Variants in PAPOLG observed in about 807,000 individuals in gnomAD.
The protein encoded by PAPOLG is poly(A) polymerase gamma.
PAPOLG carries 40 observed loss-of-function variants against 99.0 expected under a neutral mutation model. That is an observed-to-expected ratio of 0.40 (90% CI 0.31 to 0.53). The LOEUF (loss-of-function observed/expected upper bound fraction) is 0.53, where lower values mean the gene tolerates loss of function less well. PAPOLG is among the 20% of genes least tolerant of loss of function. The pLI, the probability that PAPOLG is intolerant of heterozygous loss-of-function variation, is 0.41. For missense variants in PAPOLG, 675 were observed against 884.1 expected (o/e 0.76, Z 3.00); for synonymous variants, 310 against 299.3 (o/e 1.04, Z -0.37).
chr2:60,770,500 G>T lies in PAPOLG; in HGVS notation c.481G>T (p.Asp161Tyr), dbSNP rs1380347075. ...AFVPVIKFEFDGIEIDLVFAR... is the reference protein window; with the variant it reads ...AFVPVIKFEFYGIEIDLVFAR... ...TGTACCTGTTATAAAATTTGAATTT[G>T]ATGGTATTGAAGTAAGTGTTTAATA... The change falls in exon 6 of 22, where the codon GAT (aspartate) becomes TAT (tyrosine). Residue 161 changes from aspartate (D) to tyrosine (Y), a missense_variant. Transcript: ENST00000238714. The T allele has an allele frequency of 3.2e-6, 5 of 1,581,402 alleles. No individual in the cohort carries two copies. Among genetic ancestry groups the T allele is most frequent in the Non-Finnish European group, 4.3e-6 (5 of 1,157,356 alleles).
intron 3 of PAPOLG, among the ~76,000 whole-genome samples, chr2:60,765,864 C>T (rs1329674665): frequency 1.3e-5 from 2 of 151,980 alleles, no homozygotes; most frequent in Non-Finnish European, 2.9e-5. Flanking sequence ...GCCTGTAGTC[C>T]CAGCTACTCA....
At chr2:60,784,605 T>C (rs917431127) in intron 13 of PAPOLG, among the ~76,000 whole-genome samples, 3 of 152,230 alleles carry the variant, frequency 2.0e-5, no homozygotes, top group Admixed American at 2.0e-4. Flanking sequence ...CCTTATTTCA[T>C]TGGTAATTAA....
chr2:60,771,978 T>C (rs1369792795), intron 7 of PAPOLG, among the ~76,000 whole-genome samples: 1 of 152,090 alleles, frequency 6.6e-6, no homozygotes, highest in East Asian at 1.9e-4. Flanking sequence ...ACTTATTCAT[T>C]TATAAATAAT....
At chr2:60,756,580 T>C in intron 1 of PAPOLG, 85 bp downstream of exon 1, 1 of 1,400,278 alleles carries the variant, frequency 7.1e-7, no homozygotes, top group Non-Finnish European at 9.6e-7. Context: ...CCGTTCCCTG[T>C]CCCTTGCGCC....
At chr2:60,762,029 C>T (rs1401423309) in intron 3 of PAPOLG, among the ~76,000 whole-genome samples, 2 of 152,086 alleles carry the variant, frequency 1.3e-5, no homozygotes, top group Non-Finnish European at 2.9e-5. Flanking sequence ...TCTTATTTGA[C>T]TCATATGTAG....
intron 21 of PAPOLG, among the ~76,000 whole-genome samples, chr2:60,796,274 A>G (rs1330560054): frequency 1.5e-5 from 2 of 131,998 alleles, no homozygotes; most frequent in Non-Finnish European, 3.1e-5. Context: ...TTGGAGTGCA[A>G]TGGCGCGATC....
intron 9 of PAPOLG, 27 bp from the exon 10 acceptor site, chr2:60,780,680 T>G: frequency 6.2e-7 from 1 of 1,610,596 alleles, no homozygotes; most frequent in Non-Finnish European, 8.5e-7. Context: ...AGATCATGTG[T>G]AAGTTAATTT....
chr2:60,784,035 G>A (rs1333396734), intron 13 of PAPOLG, among the ~76,000 whole-genome samples: 6 of 151,442 alleles, frequency 4.0e-5, no homozygotes, highest in Admixed American at 2.6e-4. Flanking sequence ...GTGCAGTGGC[G>A]TGATCTCAGC....
In PAPOLG at chr2:60,760,306, G is replaced by T; in HGVS notation, c.179+11G>T. 1 of 1,599,090 alleles carries T rather than the reference G, an allele frequency of 6.3e-7. No individual in the cohort carries two copies. The highest frequency in any genetic ancestry group is 8.6e-7 in the Non-Finnish European group (1 of 1,168,468). ...AGAATTGAACCACAGGTATGTCATTGAAAACCATAAAATATTTGACAGTGC... is the reference window on the plus strand; with the variant it reads ...AGAATTGAACCACAGGTATGTCATTTAAAACCATAAAATATTTGACAGTGC... On this transcript the variant is annotated intron_variant, in intron 2 of 21. Transcript: ENST00000238714.
At position 60,756,317 on chromosome 2, in the gene PAPOLG, G is replaced by A. The variant is rs1573209918; in HGVS notation, c.-162G>A. 7 of 838,052 alleles carry A rather than the reference G, an allele frequency of 8.4e-6. No homozygotes were observed. The East Asian group carries it at 1.8e-4, about 22-fold the overall frequency. 51.9% of individuals were successfully genotyped at this position (838,052 alleles called of 1,614,324 possible). On this transcript the variant is annotated 5_prime_UTR_variant, in exon 1 of 22. Transcript: ENST00000238714. ...TCATAAATAGAGCCGGTTTTGTGGT[G>A]TTTTCACTACTCGGTTGGATGCCTC...
chr2:60,775,023 G>T lies in PAPOLG; in HGVS notation c.605-11G>T. 1 of 1,611,604 alleles carries T rather than the reference G, an allele frequency of 6.2e-7. No individual in the cohort carries two copies. Among genetic ancestry groups the T allele is most frequent in the Non-Finnish European group, 8.5e-7 (1 of 1,179,366 alleles). On this transcript the variant is annotated splice_polypyrimidine_tract_variant and intron_variant, in intron 7 of 21. Transcript: ENST00000238714. ...CTGCATAGTGAAAAATGAATGCTTT[G>T]TCTTTTTCAGGTTGTAGAGTTACTG...
At chr2:60,783,133 G>C (rs904219336) in intron 12 of PAPOLG, 23 bp from the exon 13 acceptor site, 1 of 1,546,840 alleles carries the variant, frequency 6.5e-7, no homozygotes, top group African/African-American at 1.4e-5. Flanking sequence ...TTTTTTTCCT[G>C]ATTGTTGCTG....
At chr2:60,791,940 C>A in intron 16 of PAPOLG, 58 bp downstream of exon 16, 3 of 1,570,366 alleles carry the variant, frequency 1.9e-6, no homozygotes, top group South Asian at 1.2e-5. Context: ...GATCTGGGAC[C>A]AAATTTGCAT....
At chr2:60,764,861 A>G (rs1256596542) in intron 3 of PAPOLG, among the ~76,000 whole-genome samples, 3 of 152,136 alleles carry the variant, frequency 2.0e-5, no homozygotes, top group Non-Finnish European at 4.4e-5. Context: ...TTAACATGGT[A>G]TTTATGCTAT....
In PAPOLG at chr2:60,760,230, A is replaced by G; in HGVS notation, c.114A>G (p.Thr38=). The G allele has an allele frequency of 6.2e-7, 1 of 1,614,074 alleles. No individual in the cohort carries two copies. The part of the protein sequence containing the change: ...ASPKEIDHIY[T]QKLIDAMKPF... ...CTAAAGAAATTGATCATATTTACAC[A>G]CAGAAATTAATTGACGCCATGAAAC... The change falls in exon 2 of 22, where the codon ACA becomes ACG. Residue 38 remains threonine (T), a synonymous_variant. Transcript: ENST00000238714.
At position 60,787,702 on chromosome 2, in the gene PAPOLG, A is replaced by G. The variant is rs1445166841; in HGVS notation, c.1396+82A>G. The G allele has an allele frequency of 3.0e-5, 45 of 1,514,456 alleles. No homozygotes were observed. The South Asian group carries it at 5.1e-4, about 17-fold the overall frequency. The allele number at this position is 1,514,456 out of a possible 1,614,324, so 93.8% of individuals were successfully genotyped here. A position where few individuals can be genotyped will look rare whatever the true frequency, so the allele number is the denominator to read the frequency against. On this transcript the variant is annotated intron_variant, in intron 15 of 21. Transcript: ENST00000238714. The stretch of plus-strand genomic sequence containing the variant: ...ATCTGCCTACAATCTGGCTGGCTGT[A>G]CTTATTAAAGTTCCACAATTGGTTA...
Position 60,760,201 on chromosome 2 carries a change from T to A in PAPOLG, c.85T>A (p.Ser29Thr). 4 of 1,613,780 alleles carry A rather than the reference T, an allele frequency of 2.5e-6. No homozygotes were observed. The South Asian group carries it at 4.4e-5, about 18-fold the overall frequency. ...AATTACCTCCCCAATTAGTTTGGCATCTCCTAAAGAAATTGATCATATTTA... is the reference window on the plus strand; with the variant it reads ...AATTACCTCCCCAATTAGTTTGGCAACTCCTAAAGAAATTGATCATATTTA... ...YGITSPISLA[S>T]PKEIDHIYTQ... Residue 29 changes from serine (S) to threonine (T), a missense_variant, in exon 2 of 22, where the codon TCT (serine) becomes ACT (threonine). Transcript: ENST00000238714.
intron 8 of PAPOLG, among the ~76,000 whole-genome samples, chr2:60,777,570 C>T (rs1366170519): frequency 6.6e-6 from 1 of 152,206 alleles, no homozygotes; most frequent in African/African-American, 2.4e-5. Context: ...CCTTGGCATT[C>T]ACAGCTTGGT....
In PAPOLG at chr2:60,760,007, C is replaced by T. The variant is rs543895290; in HGVS notation, c.18-127C>T. On this transcript the variant is annotated intron_variant, in intron 1 of 21. Coordinates refer to ENST00000238714, the MANE Select transcript of PAPOLG (RefSeq NM_022894.4). ...TTTTCCTTTACAAGAAAGTGTCTGC[C>T]ACTACTGTTATTACTAAGTAAACTT... is the stretch of plus-strand genomic sequence containing the variant. The T allele has an allele frequency of 2.8e-5, 25 of 885,876 alleles. No homozygotes were observed. The African/African-American group carries it at 3.9e-4, about 14-fold the overall frequency. 54.9% of individuals were successfully genotyped at this position (885,876 alleles called of 1,614,324 possible). A position where few individuals can be genotyped will look rare whatever the true frequency, so the allele number is the denominator to read the frequency against.
Sources: gnomAD v4.1 joint callset for allele counts (sites outside exome capture counted in the v4.1 genomes callset) on GRCh38, gnomAD v4.1.1 for gene constraint, MANE v1.5 for transcripts, NCBI Gene and HGNC (gene_info 2026-07-23, HGNC 2026-07-21) for gene names.